RABL3: variants seen among roughly 807,000 people sequenced by gnomAD.
RABL3 encodes the protein RAB, member of RAS oncogene family like 3.
Under a neutral mutation model 31.8 loss-of-function variants are expected in RABL3, and 31 were observed. The observed-to-expected ratio is 0.97, with a 90% CI of 0.73 to 1.31. RABL3 has a LOEUF of 1.31. Among genes scored for constraint, RABL3 ranks in the 40% most tolerant of loss-of-function variants. The pLI, the probability that RABL3 is intolerant of heterozygous loss-of-function variation, is 0.00. For missense variants in RABL3, 263 were observed against 279.6 expected (o/e 0.94, Z 0.42); for synonymous variants, 97 against 99.9 (o/e 0.97, Z 0.18).
chr3:120,698,572 C>G lies in RABL3; in HGVS notation c.385G>C (p.Asp129His). Residue 129 changes from aspartate to histidine, a missense_variant and splice_region_variant, in exon 5 of 8, where the codon GAT becomes CAT. By Grantham distance (81) the Asp-to-His change is moderately conservative (BLOSUM62 -1). Coordinates refer to ENST00000273375, the MANE Select transcript of RABL3 (RefSeq NM_173825.5). Reference sequence around the variant, plus strand: ...TCAGCAAACTGTTCTTGATCATAATCCCTGTGATAAATAATAATGAAGAGG... The same window carrying G: ...TCAGCAAACTGTTCTTGATCATAATGCCTGTGATAAATAATAATGAAGAGG... ...VPTGVLVTNG[D>H]YDQEQFADNQ... is the part of the protein sequence containing the mutation. The G allele has an allele frequency of 6.2e-7, 1 of 1,606,878 alleles. No individual in the cohort carries two copies. Among genetic ancestry groups the G allele is most frequent in the South Asian group, 1.1e-5 (1 of 89,980 alleles).
At chr3:120,709,707 C>T in intron 3 of RABL3, 73 bp downstream of exon 3, 1 of 1,127,822 alleles carries the variant, frequency 8.9e-7, no homozygotes, top group East Asian at 2.4e-5. Flanking sequence ...GTCTGGCATG[C>T]TATGGCATTA....
chr3:120,703,348 T>C (rs1576334343), intron 4 of RABL3, among the ~76,000 whole-genome samples: 1 of 152,096 alleles, frequency 6.6e-6, no homozygotes, highest in African/African-American at 2.4e-5. Context: ...AAACAGCCTA[T>C]GGGAAAATCT....
intron 2 of RABL3, among the ~76,000 whole-genome samples, chr3:120,724,368 T>C (rs1299707591): frequency 2.0e-5 from 3 of 152,146 alleles, no homozygotes; most frequent in Admixed American, 6.5e-5. Flanking sequence ...AAAATGGCCA[T>C]ACTGCCCAAG....
At chr3:120,730,323 T>C (rs768749960) in intron 2 of RABL3, among the ~76,000 whole-genome samples, 1 of 152,206 alleles carries the variant, frequency 6.6e-6, no homozygotes, top group Admixed American at 6.5e-5. Context: ...CCAGGAGCTT[T>C]TGCCTTTACA....
At chr3:120,721,771 A>T (rs142593531) in intron 2 of RABL3, among the ~76,000 whole-genome samples, 68 of 152,320 alleles carry the variant, frequency 4.5e-4, no homozygotes. Flanking sequence ...CAGATCAATG[A>T]GACAGAAAGT....
intron 3 of RABL3, 55 bp downstream of exon 3, chr3:120,709,725 G>C: frequency 7.6e-7 from 1 of 1,318,378 alleles, no homozygotes; most frequent in Non-Finnish European, 1.1e-6. Flanking sequence ...TTACATATCA[G>C]ATGATCTATA....
chr3:120,719,905 C>A (rs1708716476), intron 2 of RABL3, among the ~76,000 whole-genome samples: 1 of 152,198 alleles, frequency 6.6e-6, no homozygotes. Context: ...GGTCCCTGAC[C>A]CCCGAGTAGC....
chr3:120,694,209 G>A lies in RABL3; in HGVS notation c.550C>T (p.Arg184Trp), dbSNP rs747314484. ...EEINLDCTNP[R>W]YLAAGSSNAV... ...TTGGAAGAACCTGCAGCTAAGTACC[G>A]TGGATTTGTGCAGTCCTAGAAGATA... Residue 184 changes from arginine to tryptophan, a missense_variant, in exon 6 of 8, where the codon CGG becomes TGG. Coordinates refer to ENST00000273375, the MANE Select transcript of RABL3 (RefSeq NM_173825.5). 18 of 1,610,166 alleles carry A rather than the reference G, an allele frequency of 1.1e-5. No homozygotes were observed. Among genetic ancestry groups the A allele is most frequent in the East Asian group, 8.9e-5 (4 of 44,832 alleles).
chr3:120,703,798 A>T (rs191157279), intron 4 of RABL3, among the ~76,000 whole-genome samples: 82 of 152,322 alleles, frequency 5.4e-4, no homozygotes, highest in African/African-American at 1.9e-3. Context: ...GATATACATT[A>T]AAAAATTTAA....
intron 2 of RABL3, among the ~76,000 whole-genome samples, chr3:120,719,167 G>A (rs1343549626): frequency 6.6e-6 from 1 of 152,216 alleles, no homozygotes; most frequent in Non-Finnish European, 1.5e-5. Context: ...TTGTTTTCAA[G>A]TGCATATGAA....
At chr3:120,705,730 A>T (rs1464878755) in intron 4 of RABL3, among the ~76,000 whole-genome samples, 1 of 152,214 alleles carries the variant, frequency 6.6e-6, no homozygotes, top group Non-Finnish European at 1.5e-5. Flanking sequence ...TCTGTAGAGG[A>T]AAACATAAGA....
At chr3:120,731,276 G>A (rs879815951) in intron 1 of RABL3, among the ~76,000 whole-genome samples, 2 of 152,166 alleles carry the variant, frequency 1.3e-5, no homozygotes, top group African/African-American at 2.4e-5. Flanking sequence ...ATGGCATCCT[G>A]TTAGAGGGTC....
At chr3:120,735,787 T>G (rs954105388) in intron 1 of RABL3, among the ~76,000 whole-genome samples, 1 of 152,226 alleles carries the variant, frequency 6.6e-6, no homozygotes, top group Admixed American at 6.5e-5. Flanking sequence ...CATTTCTGCC[T>G]TCATTTCATT....
intron 2 of RABL3, among the ~76,000 whole-genome samples, chr3:120,717,206 A>G (rs1455635183): frequency 1.3e-5 from 2 of 151,916 alleles, no homozygotes; most frequent in African/African-American, 2.4e-5. Context: ...TAGTGAGCCA[A>G]AATTATTGTG....
At chr3:120,702,867 A>G (rs1708509875) in intron 4 of RABL3, among the ~76,000 whole-genome samples, 1 of 152,026 alleles carries the variant, frequency 6.6e-6, no homozygotes, top group African/African-American at 2.4e-5. Flanking sequence ...CAGAAGGGAA[A>G]TTTTTCTGAC....
Position 120,688,049 on chromosome 3 carries a change from C to G in RABL3, c.*1774G>C, listed in dbSNP as rs1708333427. 1 of 151,968 alleles carries G rather than the reference C, an allele frequency of 6.6e-6. No homozygotes were observed. The highest frequency in any genetic ancestry group is 2.4e-5 in the African/African-American group (1 of 41,378). 9.4% of individuals were successfully genotyped at this position (151,968 alleles called of 1,614,324 possible). A position where few individuals can be genotyped will look rare whatever the true frequency, so the allele number is the denominator to read the frequency against. On this transcript the variant is annotated 3_prime_UTR_variant, in exon 8 of 8. Coordinates refer to ENST00000273375, the MANE Select transcript of RABL3 (RefSeq NM_173825.5). ...TGATATCAAGTGATCGACCCGCCTC[C>G]CAAAGTGTTGGGATTAAAGGTGTGA...
At chr3:120,724,786 T>C (rs2107591729) in intron 2 of RABL3, among the ~76,000 whole-genome samples, 1 of 152,160 alleles carries the variant, frequency 6.6e-6, no homozygotes, top group South Asian at 2.1e-4. Flanking sequence ...TGACACCTTA[T>C]ACAAAAATTA....
chr3:120,737,021 A>G (rs1489668682), intron 1 of RABL3, among the ~76,000 whole-genome samples: 1 of 152,032 alleles, frequency 6.6e-6, no homozygotes, highest in Non-Finnish European at 1.5e-5. Context: ...GCTCCTCTTG[A>G]GGAGTATCTT....
chr3:120,691,910 C>T (rs1422235556), intron 6 of RABL3, among the ~76,000 whole-genome samples: 1 of 152,218 alleles, frequency 6.6e-6, no homozygotes, highest in East Asian at 1.9e-4. Context: ...CTTGCTCTCT[C>T]TGGTGCGACA....
Sources: allele counts gnomAD v4.1 joint callset (sites outside exome capture counted in the v4.1 genomes callset), GRCh38; gene constraint gnomAD v4.1.1; transcripts MANE v1.5; gene names NCBI Gene and HGNC (gene_info 2026-07-23, HGNC 2026-07-21).